Variants in KCND3 observed in about 807,000 individuals in gnomAD.
KCND3 encodes A-type voltage-gated potassium channel KCND3.
A neutral mutation model predicts 51.1 loss-of-function variants in KCND3; 9 were observed. That is an observed-to-expected ratio of 0.18 (90% CI 0.11 to 0.31). The LOEUF is 0.31. Ranked by LOEUF, KCND3 falls within the 10% of genes least tolerant of loss-of-function variation. The pLI is 1.00. For synonymous variants in KCND3, 349 were observed against 368.0 expected (o/e 0.95, Z 0.59); for missense variants, 526 against 903.8 (o/e 0.58, Z 5.36).
At position 111,771,638 on chromosome 1, in the gene KCND3, A is replaced by G. The variant is rs1014179353; in HGVS notation, c.*4439T>C. Reference sequence around the variant, plus strand: ...CCAATGTACATTTTCCTTGTCTACAATCTAATAAGTGATATCCTGAACTGT... The same window carrying G: ...CCAATGTACATTTTCCTTGTCTACAGTCTAATAAGTGATATCCTGAACTGT... On this transcript the variant is annotated 3_prime_UTR_variant, in exon 8 of 8. Transcript: ENST00000302127. The G allele has an allele frequency of 2.6e-5, 4 of 152,220 alleles. No homozygotes were observed. The highest frequency in any genetic ancestry group is 5.9e-5 in the Non-Finnish European group (4 of 68,026). The allele number at this position is 152,220 out of a possible 1,614,324, so 9.4% of individuals were successfully genotyped here. A position where few individuals can be genotyped will look rare whatever the true frequency, so the allele number is the denominator to read the frequency against.
chr1:111,895,319 G>T (rs1163967192), intron 2 of KCND3, among the ~76,000 whole-genome samples: 1 of 152,100 alleles, frequency 6.6e-6, no homozygotes, highest in African/African-American at 2.4e-5. Context: ...GGGTCAGGGG[G>T]AGGCCTTTGG....
intron 2 of KCND3, among the ~76,000 whole-genome samples, chr1:111,959,537 T>A (rs1673522509): frequency 6.6e-6 from 1 of 152,156 alleles, no homozygotes. Flanking sequence ...CAGGGGCTCC[T>A]GTGAACTAAA....
At chr1:111,985,716 CGA>C (rs1445882414) in intron 1 of KCND3, among the ~76,000 whole-genome samples, 19 of 152,214 alleles carry the variant, frequency 1.2e-4, no homozygotes, top group African/African-American at 4.6e-4. Flanking sequence ...CTCACTCAGT[CGA>C]GTTTTCTAAA....
At chr1:111,782,111 GAA>G (rs894438663) in intron 3 of KCND3, among the ~76,000 whole-genome samples, 5 of 152,116 alleles carry the variant, frequency 3.3e-5, no homozygotes, top group Admixed American at 2.0e-4. Context: ...CCCTAAGCAG[GAA>G]AAGAGTCCTA....
chr1:111,930,608 C>T (rs75336829), intron 2 of KCND3, among the ~76,000 whole-genome samples: 10 of 151,440 alleles, frequency 6.6e-5, no homozygotes, highest in Non-Finnish European at 1.0e-4. Context: ...GTGCCACCCC[C>T]AACCCCCTTC....
At chr1:111,942,372 T>A (rs1340922605) in intron 2 of KCND3, among the ~76,000 whole-genome samples, 1 of 152,086 alleles carries the variant, frequency 6.6e-6, no homozygotes, top group Non-Finnish European at 1.5e-5. Context: ...TAGTAGAGAA[T>A]CAAATGGGGT....
chr1:111,809,265 G>A (rs1665721514), intron 2 of KCND3, among the ~76,000 whole-genome samples: 1 of 152,030 alleles, frequency 6.6e-6, no homozygotes, highest in Non-Finnish European at 1.5e-5. Flanking sequence ...AGAACCCAAT[G>A]TCCTGGCCTT....
chr1:111,822,349 C>T (rs866335456), intron 2 of KCND3, among the ~76,000 whole-genome samples: 17 of 152,196 alleles, frequency 1.1e-4, no homozygotes, highest in Middle Eastern at 3.4e-3. Context: ...TTTCATCTTC[C>T]CAAACTGAAA....
intron 2 of KCND3, chr1:111,856,721 G>A (rs1339878234): frequency 6.6e-6 from 1 of 152,366 alleles, no homozygotes; most frequent in Non-Finnish European, 1.5e-5. Flanking sequence ...CTGGTTCCAA[G>A]CCCCAAGTGA....
chr1:111,928,554 C>T (rs1467345957), intron 2 of KCND3, among the ~76,000 whole-genome samples: 1 of 152,188 alleles, frequency 6.6e-6, no homozygotes, highest in Non-Finnish European at 1.5e-5. Flanking sequence ...GACAAATTCA[C>T]CCCCGACTGC....
intron 1 of KCND3, among the ~76,000 whole-genome samples, chr1:111,987,472 G>T (rs758575585): frequency 6.6e-6 from 1 of 152,138 alleles, no homozygotes; most frequent in Non-Finnish European, 1.5e-5. Context: ...TACCAAAAAA[G>T]GAGCAATTAC....
At chr1:111,943,000 T>G (rs1297928667) in intron 2 of KCND3, among the ~76,000 whole-genome samples, 1 of 152,036 alleles carries the variant, frequency 6.6e-6, no homozygotes, top group African/African-American at 2.4e-5. Flanking sequence ...CTGGAGGGAA[T>G]GCGGAGAAGA....
chr1:111,930,656 C>CAAGTGTAGAAAAAAAAAAA (rs1235512553), intron 2 of KCND3, among the ~76,000 whole-genome samples: 1 of 133,572 alleles, frequency 7.5e-6, no homozygotes. Flanking sequence ...TGGCTGCACC[C>CAAGTGTAGAAAAAAAAAAA]AAGTGTAGAA....
chr1:111,863,209 G>A (rs963296339), intron 2 of KCND3, among the ~76,000 whole-genome samples: 4 of 152,266 alleles, frequency 2.6e-5, no homozygotes, highest in East Asian at 3.9e-4. Context: ...TTAAGTCTCA[G>A]AAAGGTTGTG....
At chr1:111,867,049 G>C (rs1209795154) in intron 2 of KCND3, among the ~76,000 whole-genome samples, 1 of 152,144 alleles carries the variant, frequency 6.6e-6, no homozygotes, top group Non-Finnish European at 1.5e-5. Flanking sequence ...GTGTGATCTT[G>C]GATAAGTTAC....
intron 2 of KCND3, among the ~76,000 whole-genome samples, chr1:111,855,334 G>A (rs1020162485): frequency 2.0e-5 from 3 of 152,182 alleles, no homozygotes; most frequent in East Asian, 1.9e-4. Flanking sequence ...CCCAGTGTCC[G>A]TTATCCGAAA....
Position 111,782,034 on chromosome 1 carries a change from AC to A in KCND3, c.1270-1244del, listed in dbSNP as rs199696710. ...GCAGAACAGCCCACAAGGATAGCAG[AC>A]CCATCCTGGAGTAGAAGGTCCCTCC... On this transcript the variant is annotated intron_variant, in intron 3 of 7. Coordinates refer to ENST00000302127, the MANE Select transcript of KCND3 (RefSeq NM_001378969.1). 9.0e-3 allele frequency among the ~76,000 whole-genome samples: 1,372 copies of A among 152,178 alleles called. 17 individuals are homozygous for A. Among genetic ancestry groups the A allele is most frequent in the African/African-American group, 0.032 (1,325 of 41,504 alleles).
chr1:111,894,992 G>A (rs1189289432), intron 2 of KCND3, among the ~76,000 whole-genome samples: 1 of 150,678 alleles, frequency 6.6e-6, no homozygotes, highest in Non-Finnish European at 1.5e-5. Flanking sequence ...GGAAGGGAGA[G>A]GACTCAGGGG....
At chr1:111,851,961 T>A (rs1667836057) in intron 2 of KCND3, among the ~76,000 whole-genome samples, 1 of 152,234 alleles carries the variant, frequency 6.6e-6, no homozygotes, top group Admixed American at 6.5e-5. Flanking sequence ...CTCTTGTCTC[T>A]GCCTCTAAGC....
Sources: allele counts gnomAD v4.1 joint callset (sites outside exome capture counted in the v4.1 genomes callset), GRCh38; gene constraint gnomAD v4.1.1; transcripts MANE v1.5; gene names NCBI Gene and HGNC (gene_info 2026-07-23, HGNC 2026-07-21).